The following DACH1 variants were observed in gnomAD, a reference collection of about 807,000 sequenced individuals.
The protein encoded by DACH1 is dachshund family transcription factor 1.
Under a neutral mutation model 54.2 loss-of-function variants are expected in DACH1, and 12 were observed. The ratio of observed to expected loss-of-function variants is 0.22; its 90% confidence interval spans 0.14 to 0.36. The LOEUF is 0.36. Among genes scored for constraint, DACH1 ranks in the 10% least tolerant of loss-of-function variants. The probability of loss-of-function intolerance (pLI) is 1.00; values close to 1 mark genes in which losing one functional copy is unlikely to be tolerated. For synonymous variants in DACH1, 386 were observed against 366.2 expected (o/e 1.05, Z -0.62); for missense variants, 805 against 929.8 (o/e 0.87, Z 1.75).
chr13:71,749,795 G>A (rs1475082862), intron 1 of DACH1, among the ~76,000 whole-genome samples: 2 of 152,110 alleles, frequency 1.3e-5, no homozygotes, highest in Non-Finnish European at 2.9e-5. Context: ...TCATCTCCAA[G>A]CTTCACAACA....
intron 1 of DACH1, among the ~76,000 whole-genome samples, chr13:71,757,295 A>G (rs1885206022): frequency 6.6e-6 from 1 of 152,150 alleles, no homozygotes; most frequent in Admixed American, 6.5e-5. Flanking sequence ...AAGCACTAGA[A>G]CACAAGCAAT....
intron 3 of DACH1, among the ~76,000 whole-genome samples, chr13:71,591,965 T>A (rs1290056324): frequency 6.6e-6 from 1 of 152,172 alleles, no homozygotes; most frequent in Non-Finnish European, 1.5e-5. Flanking sequence ...GAGCTTTTTC[T>A]CTAGAGTTAA....
At chr13:71,651,081 T>G (rs1394174563) in intron 2 of DACH1, among the ~76,000 whole-genome samples, 1 of 152,164 alleles carries the variant, frequency 6.6e-6, no homozygotes. Context: ...AAATACAGTT[T>G]TGGTAATCAT....
intron 6 of DACH1, among the ~76,000 whole-genome samples, chr13:71,541,155 T>A (rs1440326189): frequency 6.6e-6 from 1 of 152,016 alleles, no homozygotes; most frequent in African/African-American, 2.4e-5. Flanking sequence ...GAAGTTCATA[T>A]GTAATTTTAT....
intron 1 of DACH1, among the ~76,000 whole-genome samples, chr13:71,810,178 T>C (rs2138148333): frequency 6.6e-6 from 1 of 152,322 alleles, no homozygotes; most frequent in East Asian, 1.9e-4. Context: ...GGCGCTGTAC[T>C]AGATAATTCA....
chr13:71,479,312 A>G lies in DACH1; in HGVS notation c.1727T>C (p.Leu576Pro), dbSNP rs755893717. 1 of 1,613,218 alleles carries G rather than the reference A, an allele frequency of 6.2e-7. No individual in the cohort carries two copies. Among genetic ancestry groups the G allele is most frequent in the Non-Finnish European group, 8.5e-7 (1 of 1,179,748 alleles). The change falls in exon 8 of 11, where the codon CTG becomes CCG. Residue 576 changes from leucine (L) to proline (P), a missense_variant. Transcript: ENST00000613252. ...GGCATTATCTATGGCAACTTTCAAC[A>G]GCCCCTGTACAAAGAAGATATTCGG... ...IETLLTNIQG[L>P]LKVAIDNARA...
chr13:71,671,434 T>A (rs899492022), intron 2 of DACH1, among the ~76,000 whole-genome samples: 1 of 151,948 alleles, frequency 6.6e-6, no homozygotes, highest in Non-Finnish European at 1.5e-5. Context: ...TAAGTTACCA[T>A]ACAAAAAAGT....
chr13:71,689,505 C>T (rs2138719750), intron 1 of DACH1, among the ~76,000 whole-genome samples: 1 of 152,202 alleles, frequency 6.6e-6, no homozygotes, highest in South Asian at 2.1e-4. Flanking sequence ...AAACTAAAAG[C>T]ATCGTTAACA....
At chr13:71,446,869 A>T (rs939687986) in intron 10 of DACH1, among the ~76,000 whole-genome samples, 4 of 152,198 alleles carry the variant, frequency 2.6e-5, no homozygotes, top group Non-Finnish European at 5.9e-5. Flanking sequence ...TTCCTTTAAC[A>T]CAATGATTAT....
intron 1 of DACH1, among the ~76,000 whole-genome samples, chr13:71,803,581 C>T (rs1887372530): frequency 6.6e-6 from 1 of 152,070 alleles, no homozygotes; most frequent in African/African-American, 2.4e-5. Context: ...ACAACTTACC[C>T]TTATATTTTG....
chr13:71,862,626 G>T (rs911963144), intron 1 of DACH1, among the ~76,000 whole-genome samples: 1 of 151,756 alleles, frequency 6.6e-6, no homozygotes, highest in Non-Finnish European at 1.5e-5. Context: ...CCTCCTTGTG[G>T]TAATGACAGA....
intron 3 of DACH1, among the ~76,000 whole-genome samples, chr13:71,589,977 G>A (rs1050582152): frequency 6.6e-6 from 1 of 151,948 alleles, no homozygotes; most frequent in Admixed American, 6.6e-5. Flanking sequence ...TACCTACGGG[G>A]CTGTAAATAT....
chr13:71,477,270 G>A (rs1222577666), intron 8 of DACH1, among the ~76,000 whole-genome samples: 2 of 150,936 alleles, frequency 1.3e-5, no homozygotes, highest in African/African-American at 4.9e-5. Flanking sequence ...ACAGGCACCT[G>A]CCACCACGCC....
intron 7 of DACH1, among the ~76,000 whole-genome samples, chr13:71,486,812 T>C (rs1411759): frequency 0.016 from 670 of 41,754 alleles, 5 homozygotes; most frequent in South Asian, 0.026. Flanking sequence ...ATTTATTTAT[T>C]TATCTATCTA....
rs368392315 is a variant in DACH1 at position 71,735,385 on chromosome 13, T to C, written c.849-53475A>G. Among the ~76,000 whole-genome samples, 27 of 32,340 alleles carry C rather than the reference T, an allele frequency of 8.3e-4. 2 individuals are homozygous for C. The highest frequency in any genetic ancestry group is 2.0e-3 in the African/African-American group (26 of 13,116). 21.2% of individuals were successfully genotyped at this position (32,340 alleles called of 152,430 possible). A position where few individuals can be genotyped will look rare whatever the true frequency, so the allele number is the denominator to read the frequency against. Reference sequence around the variant, plus strand: ...CACGTATACGGGATATACGTGTATATGGGATATACACGTATACGGGATATA... The same window carrying C: ...CACGTATACGGGATATACGTGTATACGGGATATACACGTATACGGGATATA... On this transcript the variant is annotated intron_variant, in intron 1 of 10. Transcript: ENST00000613252.
At chr13:71,777,766 G>A (rs1471258162) in intron 1 of DACH1, among the ~76,000 whole-genome samples, 1 of 151,986 alleles carries the variant, frequency 6.6e-6, no homozygotes, top group Non-Finnish European at 1.5e-5. Flanking sequence ...AAGTATTTAT[G>A]TGTAATATTC....
At chr13:71,697,943 T>A (rs1353693447) in intron 1 of DACH1, among the ~76,000 whole-genome samples, 42 of 152,224 alleles carry the variant, frequency 2.8e-4, no homozygotes, top group Admixed American at 2.7e-3. Context: ...ATATTTGGAA[T>A]AATACTTTAT....
intron 2 of DACH1, among the ~76,000 whole-genome samples, chr13:71,646,276 G>T (rs1342461668): frequency 1.3e-5 from 2 of 151,256 alleles, no homozygotes; most frequent in South Asian, 2.1e-4. Flanking sequence ...GGCAGAGCTT[G>T]CAGTGAGCCG....
intron 6 of DACH1, among the ~76,000 whole-genome samples, chr13:71,494,708 CTTA>C (rs1006620345): frequency 2.1e-3 from 318 of 151,952 alleles, no homozygotes; most frequent in African/African-American, 7.3e-3. Context: ...AGAAAAACTA[CTTA>C]TTAACATCTT....
Sources: allele counts gnomAD v4.1 joint callset (sites outside exome capture counted in the v4.1 genomes callset), GRCh38; gene constraint gnomAD v4.1.1; transcripts MANE v1.5; gene names NCBI Gene and HGNC (gene_info 2026-07-23, HGNC 2026-07-21).